The following CAPN8 variants were observed in gnomAD, a reference collection of about 807,000 sequenced individuals.
The protein encoded by CAPN8 is calpain-8.
CAPN8 carries 87 observed loss-of-function variants against 80.9 expected under a neutral mutation model. The ratio of observed to expected loss-of-function variants is 1.07; its 90% confidence interval spans 0.90 to 1.28. The LOEUF (loss-of-function observed/expected upper bound fraction) is 1.28. Ranked by LOEUF, CAPN8 falls within the 50% of genes most tolerant of loss-of-function variation. The pLI is 0.00. For synonymous variants in CAPN8, 299 were observed against 273.8 expected (o/e 1.09, Z -0.91); for missense variants, 757 against 702.0 (o/e 1.08, Z -0.89).
chr1:223,541,750 G>A lies in CAPN8; in HGVS notation c.*86C>T. On this transcript the variant is annotated 3_prime_UTR_variant, in exon 21 of 21. Coordinates refer to ENST00000366872, the MANE Select transcript of CAPN8 (RefSeq NM_001143962.2). ...TGAACAACCAGTGAATGCCACTGGA[G>A]CATAAATGTTCACAAAATTGTAGAG... 3 of 1,544,998 alleles carry A rather than the reference G, an allele frequency of 1.9e-6. No homozygotes were observed. The highest frequency in any genetic ancestry group is 2.6e-6 in the Non-Finnish European group (3 of 1,141,454).
At position 223,551,032 on chromosome 1, in the gene CAPN8, C is replaced by A. The variant is rs1656773256; in HGVS notation, c.1642-15G>T. On this transcript the variant is annotated splice_polypyrimidine_tract_variant and intron_variant, in intron 14 of 20. Coordinates refer to ENST00000366872, the MANE Select transcript of CAPN8 (RefSeq NM_001143962.2). ...ATCTCAGAATCCTAGAAAGAGGAAC[C>A]CAAATGCAAATCATGTCAGGCCCTG... 1.4e-6 allele frequency: 1 copy of A among 717,640 alleles called. No homozygotes were observed. The highest frequency in any genetic ancestry group is 1.7e-5 in the African/African-American group (1 of 57,224). The allele number at this position is 717,640 out of a possible 1,614,324, so 44.5% of individuals were successfully genotyped here. A position where few individuals can be genotyped will look rare whatever the true frequency, so the allele number is the denominator to read the frequency against.
intron 2 of CAPN8, among the ~76,000 whole-genome samples, chr1:223,638,251 T>A (rs1316399228): frequency 6.6e-6 from 1 of 152,172 alleles, no homozygotes; most frequent in African/African-American, 2.4e-5. Context: ...GCATGGGCTA[T>A]CTGCAAATAC....
At chr1:223,614,137 G>A (rs1302643121) in intron 10 of CAPN8, among the ~76,000 whole-genome samples, 1 of 152,208 alleles carries the variant, frequency 6.6e-6, no homozygotes, top group Non-Finnish European at 1.5e-5. Context: ...AGTGGCTCAC[G>A]CCTTTAATGC....
chr1:223,618,471 C>A (rs533145074), intron 9 of CAPN8, among the ~76,000 whole-genome samples: 95 of 152,348 alleles, frequency 6.2e-4, no homozygotes, highest in African/African-American at 2.2e-3. Flanking sequence ...CCTCCACCTC[C>A]AACTCAGGCA....
At chr1:223,642,406 C>A (rs1379818158) in intron 2 of CAPN8, among the ~76,000 whole-genome samples, 1 of 152,144 alleles carries the variant, frequency 6.6e-6, no homozygotes, top group Non-Finnish European at 1.5e-5. Context: ...ACTTCTGCTG[C>A]CCCCCATAGG....
intron 8 of CAPN8, 135 bp from the exon 9 acceptor site, chr1:223,619,588 C>T (rs1183365067): frequency 1.2e-6 from 1 of 828,390 alleles, no homozygotes; most frequent in Non-Finnish European, 1.9e-6. Context: ...TCCTACAGCA[C>T]ACTGATACAA....
chr1:223,612,925 G>T (rs1253408946), intron 10 of CAPN8, among the ~76,000 whole-genome samples: 1 of 152,118 alleles, frequency 6.6e-6, no homozygotes. Context: ...CCCTTAATTT[G>T]GTTTCATGAG....
chr1:223,664,007 T>C (rs1252694499), intron 1 of CAPN8, among the ~76,000 whole-genome samples: 2 of 152,100 alleles, frequency 1.3e-5, no homozygotes, highest in African/African-American at 4.8e-5. Context: ...TCCTGAGACG[T>C]TGTTATGAGC....
chr1:223,628,743 G>C lies in CAPN8; in HGVS notation c.345C>G (p.Thr115=), dbSNP rs1450472019. The change falls in exon 3 of 21, where the codon ACC becomes ACG. Residue 115 remains threonine (T), a synonymous_variant. Transcript: ENST00000366872. The part of the protein sequence containing the change: ...CWLLAAIASL[T]LNEELLYRVV... ...CCCGGTAAAGCAGCTCTTCATTCAGGGTCAGGGAGGCAATGGCAGCCAGAA... is the reference window on the plus strand; with the variant it reads ...CCCGGTAAAGCAGCTCTTCATTCAGCGTCAGGGAGGCAATGGCAGCCAGAA... The C allele has an allele frequency of 3.2e-6, 5 of 1,553,820 alleles. No homozygotes were observed. Among genetic ancestry groups the C allele is most frequent in the East Asian group, 4.9e-5 (2 of 40,970 alleles).
At chr1:223,629,892 G>A (rs2102716253) in intron 2 of CAPN8, among the ~76,000 whole-genome samples, 1 of 152,192 alleles carries the variant, frequency 6.6e-6, no homozygotes, top group South Asian at 2.1e-4. Context: ...GTGCATCTTA[G>A]CCTTTATCTT....
intron 10 of CAPN8, among the ~76,000 whole-genome samples, chr1:223,612,769 A>G (rs976589379): frequency 2.6e-5 from 4 of 152,162 alleles, no homozygotes; most frequent in African/African-American, 9.7e-5. Context: ...ATTGGAACTA[A>G]CAGAAGGGAC....
At chr1:223,662,739 T>A (rs76145774) in intron 1 of CAPN8, among the ~76,000 whole-genome samples, 1,525 of 152,312 alleles carry the variant, frequency 0.01, 24 homozygotes, top group African/African-American at 0.034. Flanking sequence ...GCACCACATT[T>A]CTGGATACCC....
At chr1:223,655,255 G>A (rs980710286) in intron 1 of CAPN8, among the ~76,000 whole-genome samples, 3 of 152,196 alleles carry the variant, frequency 2.0e-5, no homozygotes, top group African/African-American at 7.2e-5. Flanking sequence ...TGAAGTGTCA[G>A]AAGTACCATG....
At position 223,628,782 on chromosome 1, in the gene CAPN8, T is replaced by C. The variant is rs764394211; in HGVS notation, c.308-2A>G. 18 of 1,553,496 alleles carry C rather than the reference T, an allele frequency of 1.2e-5. No individual in the cohort carries two copies. In the East Asian group the frequency reaches 3.4e-4, roughly 29 times the overall value. On this transcript the variant is annotated splice_acceptor_variant, in intron 2 of 20. Transcript: ENST00000366872. LOFTEE classifies it high-confidence loss of function. ...TGGCAGCCAGAAGCCAGCAGTCACC[T>C]GCACAGTGTCACAGGGGACACAGAT...
chr1:223,632,805 C>T, intron 2 of CAPN8, among the ~76,000 whole-genome samples: 1 of 152,236 alleles, frequency 6.6e-6, no homozygotes, highest in Non-Finnish European at 1.5e-5. Context: ...GCTAGGGCTG[C>T]TCAGGAGTTA....
At chr1:223,642,483 C>A (rs1458029924) in intron 2 of CAPN8, among the ~76,000 whole-genome samples, 1 of 152,288 alleles carries the variant, frequency 6.6e-6, no homozygotes, top group South Asian at 2.1e-4. Flanking sequence ...CTGATAGCAG[C>A]GTAGAGGCAG....
chr1:223,657,609 A>G (rs1278930926), intron 1 of CAPN8, among the ~76,000 whole-genome samples: 5 of 152,270 alleles, frequency 3.3e-5, no homozygotes, highest in African/African-American at 9.6e-5. Context: ...TCTACTAAAA[A>G]TACAAAAATT....
intron 11 of CAPN8, among the ~76,000 whole-genome samples, chr1:223,611,981 T>G (rs1558339686): frequency 6.6e-6 from 1 of 152,196 alleles, no homozygotes; most frequent in Non-Finnish European, 1.5e-5. Flanking sequence ...CCCATTGGAA[T>G]CACCTTGTTC....
intron 2 of CAPN8, among the ~76,000 whole-genome samples, chr1:223,633,218 C>T (rs1029393850): frequency 1.3e-5 from 2 of 152,004 alleles, no homozygotes; most frequent in Admixed American, 1.3e-4. Context: ...ATTTGGTATG[C>T]CCCATAAATT....
Sources: allele counts gnomAD v4.1 joint callset (sites outside exome capture counted in the v4.1 genomes callset), GRCh38; gene constraint gnomAD v4.1.1; transcripts MANE v1.5; gene names NCBI Gene and HGNC (gene_info 2026-07-23, HGNC 2026-07-21).